RPUSD2: variants seen among roughly 807,000 people sequenced by gnomAD.
RPUSD2 encodes the protein RNA pseudouridine synthase domain containing 2.
In RPUSD2, 31 loss-of-function variants were observed where a neutral mutation model predicts 41.5. That is an observed-to-expected ratio of 0.75 (90% CI 0.56 to 1.01). The LOEUF (loss-of-function observed/expected upper bound fraction) is 1.01. RPUSD2 is among the 50% of genes least tolerant of loss of function. The pLI is 0.00. For missense variants in RPUSD2, 749 were observed against 724.7 expected, an observed-to-expected ratio of 1.03 and a Z score of -0.38; for synonymous variants, 305 against 289.7, an observed-to-expected ratio of 1.05 and a Z score of -0.54.
Position 40,569,906 on chromosome 15 carries a change from A to G in RPUSD2, c.569A>G (p.Asn190Ser), listed in dbSNP as rs1891102187. The G allele has an allele frequency of 5.1e-6, 8 of 1,566,958 alleles. No homozygotes were observed. The highest frequency in any genetic ancestry group is 1.2e-5 in the South Asian group (1 of 85,670). The change falls in exon 1 of 3, where the codon AAC becomes AGC. Residue 190 changes from asparagine to serine, a missense_variant. Asn to Ser is a conservative substitution (Grantham distance 46). Coordinates refer to ENST00000315616, the MANE Select transcript of RPUSD2 (RefSeq NM_152260.3). The part of the protein sequence containing the change: ...AAVRAGRLQL[N>S]EKPVQDLNIV... ...GTCCGGGCGGGCCGCCTGCAACTCAACGAGAAGCCGGTGCAGGACCTCAAC... is the reference window on the plus strand; with the variant it reads ...GTCCGGGCGGGCCGCCTGCAACTCAGCGAGAAGCCGGTGCAGGACCTCAAC...
In RPUSD2 at chr15:40,573,939, T is replaced by A. The variant is rs1891199817; in HGVS notation, c.1316T>A (p.Leu439His). The A allele has an allele frequency of 6.2e-7, 1 of 1,614,132 alleles. No homozygotes were observed. The highest frequency in any genetic ancestry group is 1.3e-5 in the African/African-American group (1 of 75,040). The change falls in exon 3 of 3, where the codon CTC becomes CAC. Residue 439 changes from leucine (L) to histidine (H), a missense_variant. Physicochemically the swap from Leu to His is moderately conservative, Grantham distance 99. Transcript: ENST00000315616. Reference sequence around the variant, plus strand: ...TGTGAGGGTGACCTGTCCCCAGGACTCACAGACTCTACGGCCCCCTCCTCA... The same window carrying A: ...TGTGAGGGTGACCTGTCCCCAGGACACACAGACTCTACGGCCCCCTCCTCA... ...DLCEGDLSPG[L>H]TDSTAPSSEL...
chr15:40,574,223 A>G lies in RPUSD2; in HGVS notation c.1600A>G (p.Met534Val), dbSNP rs1891209585. Residue 534 changes from methionine (M) to valine (V), a missense_variant, in exon 3 of 3, where the codon ATG becomes GTG. Coordinates refer to ENST00000315616, the MANE Select transcript of RPUSD2 (RefSeq NM_152260.3). ...GCCAGGCTTTGAGTACTTTTCACCA[A>G]TGCCTGCCTGGGCACAGGATGACTG... is the stretch of plus-strand genomic sequence containing the variant. ...KGPGFEYFSP[M>V]PAWAQDDWQK... 9 of 1,612,984 alleles carry G rather than the reference A, an allele frequency of 5.6e-6. No individual in the cohort carries two copies. The highest frequency in any genetic ancestry group is 7.6e-6 in the Non-Finnish European group (9 of 1,179,932).
chr15:40,574,219 A>T lies in RPUSD2; in HGVS notation c.1596A>T (p.Ser532=). The T allele has an allele frequency of 6.2e-7, 1 of 1,612,994 alleles. No individual in the cohort carries two copies. Among genetic ancestry groups the T allele is most frequent in the Non-Finnish European group, 8.5e-7 (1 of 1,179,930 alleles). The part of the protein sequence containing the change: ...RYKGPGFEYF[S]PMPAWAQDDW... Reference sequence around the variant, plus strand: ...AAGGGCCAGGCTTTGAGTACTTTTCACCAATGCCTGCCTGGGCACAGGATG... The same window carrying T: ...AAGGGCCAGGCTTTGAGTACTTTTCTCCAATGCCTGCCTGGGCACAGGATG... The change falls in exon 3 of 3, where the codon TCA becomes TCT. Residue 532 remains serine (S), a synonymous_variant. Coordinates refer to ENST00000315616, the MANE Select transcript of RPUSD2 (RefSeq NM_152260.3).
In RPUSD2 at chr15:40,574,394, C is replaced by A; in HGVS notation, c.*133C>A. On this transcript the variant is annotated 3_prime_UTR_variant, in exon 3 of 3. Transcript: ENST00000315616. ...GGGCTTCTAAAGAGACCTGCTCATA[C>A]TTGCTACCTCCTTCCAGTGGGAATT... 9.8e-7 allele frequency: 1 copy of A among 1,022,922 alleles called. No individual in the cohort carries two copies. The highest frequency in any genetic ancestry group is 1.4e-6 in the Non-Finnish European group (1 of 726,378). The allele number at this position is 1,022,922 out of a possible 1,614,324, so 63.4% of individuals were successfully genotyped here. A position where few individuals can be genotyped will look rare whatever the true frequency, so the allele number is the denominator to read the frequency against.
At chr15:40,570,278 CTG>C (rs1263460432) in intron 1 of RPUSD2, among the ~76,000 whole-genome samples, 1 of 152,174 alleles carries the variant, frequency 6.6e-6, no homozygotes, top group Non-Finnish European at 1.5e-5. Context: ...TTGTAGATCT[CTG>C]TGCAAATAGT....
In RPUSD2 at chr15:40,569,688, G is replaced by C. The variant is rs1891093259; in HGVS notation, c.351G>C (p.Arg117=). 6.4e-7 allele frequency: 1 copy of C among 1,564,200 alleles called. No individual in the cohort carries two copies. The highest frequency in any genetic ancestry group is 8.7e-7 in the Non-Finnish European group (1 of 1,152,800). Residue 117 remains arginine, a synonymous_variant, in exon 1 of 3, where the codon CGG becomes CGC. Coordinates refer to ENST00000315616, the MANE Select transcript of RPUSD2 (RefSeq NM_152260.3). ...RERVVPPPKK[R]RTGVSFGDEH... is the part of the protein sequence containing the mutation. ...GTGTCGTGCCGCCCCCGAAGAAGCG[G>C]CGGACCGGGGTGAGCTTCGGAGATG...
In RPUSD2 at chr15:40,569,992, G is replaced by GCTTTTGTTTTGTTTTGTTTT. The variant is rs1891104855; in HGVS notation, c.606+49_606+50insCTTTTGTTTTGTTTTGTTTT. ...AGAAGCGGGCGAGGAAAAGGGGCCG[G>GCTTTTGTTTTGTTTTGTTTT]GTTTTGTTTTGTTTTGTTTTGTTTT... On this transcript the variant is annotated intron_variant, in intron 1 of 2. Transcript: ENST00000315616. 5.7e-6 allele frequency: 8 copies of GCTTTTGTTTTGTTTTGTTTT among 1,412,684 alleles called. No individual in the cohort carries two copies. The Admixed American group carries it at 2.2e-4, about 39-fold the overall frequency. 87.5% of individuals were successfully genotyped at this position (1,412,684 alleles called of 1,614,324 possible).
Position 40,574,388 on chromosome 15 carries a change from C to A in RPUSD2, c.*127C>A. ...GAGGACGGGCTTCTAAAGAGACCTG[C>A]TCATACTTGCTACCTCCTTCCAGTG... On this transcript the variant is annotated 3_prime_UTR_variant, in exon 3 of 3. Transcript: ENST00000315616. 9.0e-7 allele frequency: 1 copy of A among 1,106,764 alleles called. No homozygotes were observed. Among genetic ancestry groups the A allele is most frequent in the Non-Finnish European group, 1.3e-6 (1 of 793,558 alleles). The allele number at this position is 1,106,764 out of a possible 1,614,324, so 68.6% of individuals were successfully genotyped here.
In RPUSD2 at chr15:40,574,238, C is replaced by T. The variant is rs1345041441; in HGVS notation, c.1615C>T (p.Gln539Ter). Residue 539 changes from glutamine to a stop codon, truncating the protein, a stop_gained, in exon 3 of 3, where the codon CAG becomes TAG. Transcript: ENST00000315616. LOFTEE classifies it high-confidence loss of function. Reference protein sequence around the residue: ...EYFSPMPAWAQDDWQKD With the variant: ...EYFSPMPAWA The stretch of plus-strand genomic sequence containing the variant: ...CTTTTCACCAATGCCTGCCTGGGCA[C>T]AGGATGACTGGCAAAAGGACTGAGG... 3.1e-6 allele frequency: 5 copies of T among 1,611,982 alleles called. No individual in the cohort carries two copies. Among genetic ancestry groups the T allele is most frequent in the East Asian group, 2.2e-5 (1 of 44,874 alleles).
chr15:40,573,739 T>G lies in RPUSD2; in HGVS notation c.1116T>G (p.Ile372Met), dbSNP rs142966281. The change falls in exon 3 of 3, where the codon ATT becomes ATG. Residue 372 changes from isoleucine to methionine, a missense_variant. Coordinates refer to ENST00000315616, the MANE Select transcript of RPUSD2 (RefSeq NM_152260.3). ...CRPLTGRTHQ[I>M]RVHLQFLGHP... ...CACTCACAGGCCGCACACACCAGATTCGAGTCCACCTTCAGTTCTTGGGCC... is the reference window on the plus strand; with the variant it reads ...CACTCACAGGCCGCACACACCAGATGCGAGTCCACCTTCAGTTCTTGGGCC... 1.2e-6 allele frequency: 2 copies of G among 1,614,052 alleles called. No homozygotes were observed. The highest frequency in any genetic ancestry group is 2.7e-5 in the African/African-American group (2 of 74,918).
In RPUSD2 at chr15:40,571,640, G is replaced by A. The variant is rs1175827711; in HGVS notation, c.643G>A (p.Glu215Lys). The A allele has an allele frequency of 6.2e-7, 1 of 1,614,248 alleles. No homozygotes were observed. Among genetic ancestry groups the A allele is most frequent in the Non-Finnish European group, 8.5e-7 (1 of 1,180,040 alleles). Residue 215 changes from glutamate to lysine, a missense_variant, in exon 2 of 3, where the codon GAG becomes AAG. Glu to Lys is a moderately conservative substitution (Grantham distance 56, BLOSUM62 1). Transcript: ENST00000315616. The part of the protein sequence containing the change: ...DFLRNTVHRH[E>K]PPVTAEPIRL... ...CTTGCGGAACACAGTGCACAGGCATGAGCCACCAGTCACAGCAGAGCCCAT... is the reference window on the plus strand; with the variant it reads ...CTTGCGGAACACAGTGCACAGGCATAAGCCACCAGTCACAGCAGAGCCCAT...
Position 40,574,301 on chromosome 15 carries a change from A to G in RPUSD2, c.*40A>G, listed in dbSNP as rs766638464. The G allele has an allele frequency of 1.5e-5, 23 of 1,580,772 alleles. No homozygotes were observed. Among genetic ancestry groups the G allele is most frequent in the East Asian group, 6.7e-5 (3 of 44,706 alleles). ...GAGGGATTGCTTCTTGGGTTGTGACAAGGATGGGCTATAGGGCAAGGGCTG... is the reference window on the plus strand; with the variant it reads ...GAGGGATTGCTTCTTGGGTTGTGACGAGGATGGGCTATAGGGCAAGGGCTG... On this transcript the variant is annotated 3_prime_UTR_variant, in exon 3 of 3. Coordinates refer to ENST00000315616, the MANE Select transcript of RPUSD2 (RefSeq NM_152260.3).
At chr15:40,572,774 G>A (rs1343061526) in intron 2 of RPUSD2, among the ~76,000 whole-genome samples, 1 of 152,126 alleles carries the variant, frequency 6.6e-6, no homozygotes, top group Non-Finnish European at 1.5e-5. Context: ...CTGACAGGCT[G>A]AGCAAGGCTT....
chr15:40,571,128 G>C (rs577670417), intron 1 of RPUSD2, among the ~76,000 whole-genome samples: 6 of 152,088 alleles, frequency 3.9e-5, no homozygotes, highest in Non-Finnish European at 8.8e-5. Flanking sequence ...AAGTAGCTGG[G>C]ATTACAGGCA....
chr15:40,571,527 CAG>C (rs1199489239), intron 1 of RPUSD2, 75 bp from the exon 2 acceptor site: 1 of 1,356,366 alleles, frequency 7.4e-7, no homozygotes, highest in Non-Finnish European at 1.0e-6. Flanking sequence ...CAGTGAGGAA[CAG>C]GGGAAGCTGG....
chr15:40,569,982 A>G, intron 1 of RPUSD2, 39 bp downstream of exon 1: 3 of 1,130,840 alleles, frequency 2.7e-6, no homozygotes, highest in South Asian at 3.9e-5. Flanking sequence ...CGGGCGAGGA[A>G]AAGGGGCCGG....
rs771289313 is a variant in RPUSD2, at chr15:40,574,008, A to C, written c.1385A>C (p.Gln462Pro). The C allele has an allele frequency of 6.2e-7, 1 of 1,614,152 alleles. No homozygotes were observed. The highest frequency in any genetic ancestry group is 2.2e-5 in the East Asian group (1 of 44,884). ...DDLEELAAAAQKMEEVAEAAP... is the reference protein window; with the variant it reads ...DDLEELAAAAPKMEEVAEAAP... ...CTGGAAGAGTTGGCTGCAGCTGCCC[A>C]GAAGATGGAGGAAGTAGCTGAGGCA... The change falls in exon 3 of 3, where the codon CAG (glutamine) becomes CCG (proline). Residue 462 changes from glutamine to proline, a missense_variant. Coordinates refer to ENST00000315616, the MANE Select transcript of RPUSD2 (RefSeq NM_152260.3).
rs761424234 is a variant in RPUSD2 at position 40,574,918 on chromosome 15, A to G, written c.*657A>G. ...TTGGATTTGCCTGTTTATTCTGGAC[A>G]TTTTATATAAATGGAATGATAAAAC... On this transcript the variant is annotated 3_prime_UTR_variant, in exon 3 of 3. Transcript: ENST00000315616. 6.6e-6 allele frequency: 1 copy of G among 152,202 alleles called. No individual in the cohort carries two copies. The highest frequency in any genetic ancestry group is 1.5e-5 in the Non-Finnish European group (1 of 68,044). 9.4% of individuals were successfully genotyped at this position (152,202 alleles called of 1,614,324 possible).
chr15:40,573,041 T>TTTG (rs1491372691), intron 2 of RPUSD2, among the ~76,000 whole-genome samples: 6 of 118,476 alleles, frequency 5.1e-5, no homozygotes, highest in Non-Finnish European at 7.5e-5. Context: ...TTTTTTTTTT[T>TTTG]GAGATGGAGT....
Sources: allele counts gnomAD v4.1 joint callset (sites outside exome capture counted in the v4.1 genomes callset), GRCh38; gene constraint gnomAD v4.1.1; transcripts MANE v1.5; gene names NCBI Gene and HGNC (gene_info 2026-07-23, HGNC 2026-07-21).